The following DACH2 variants were observed in gnomAD, a reference collection of about 807,000 sequenced individuals.
The protein encoded by DACH2 is dachshund homolog 2.
In DACH2, 17 loss-of-function variants were observed where a neutral mutation model predicts 35.8. The ratio of observed to expected loss-of-function variants is 0.48; its 90% CI spans 0.33 to 0.71. The LOEUF (loss-of-function observed/expected upper bound fraction) is 0.71. Ranked by LOEUF, DACH2 falls within the 30% of genes least tolerant of loss-of-function variation. The probability of loss-of-function intolerance (pLI) is 0.02; values close to 1 mark genes in which losing one functional copy is unlikely to be tolerated. For synonymous variants in DACH2, 195 were observed against 177.3 expected (o/e 1.10, Z -0.79); for missense variants, 469 against 472.7 (o/e 0.99, Z 0.07).
chrX:86,715,984 A>G (rs919272913), intron 6 of DACH2, among the ~76,000 whole-genome samples: 1 of 111,987 alleles, frequency 8.9e-6, no homozygotes, highest in Non-Finnish European at 1.9e-5. Context: ...AGCCTTCTAA[A>G]GCACTGAAGA....
At position 86,813,226 on chromosome X, in the gene DACH2, G is replaced by A; in HGVS notation, c.1486G>A (p.Glu496Lys). The A allele has an allele frequency of 8.3e-7, 1 of 1,201,823 alleles. No individual in the cohort carries two copies. The highest frequency in any genetic ancestry group is 1.8e-5 in the South Asian group (1 of 54,888). Residue 496 changes from glutamate (E) to lysine (K), a missense_variant, in exon 9 of 12, where the codon GAA (glutamate) becomes AAA (lysine). By Grantham distance (56) the Glu-to-Lys change is moderately conservative (BLOSUM62 1). Coordinates refer to ENST00000373125, the MANE Select transcript of DACH2 (RefSeq NM_053281.3). ...ELRLELYRER[E>K]IRENLERQLA... is the part of the protein sequence containing the mutation. ...GCGACTGGAGCTCTATAGAGAGAGA[G>A]AAATTAGAGAAAACCTTGAAAGACA... is the stretch of plus-strand genomic sequence containing the variant.
At chrX:86,330,532 G>A (rs2035193785) in intron 1 of DACH2, among the ~76,000 whole-genome samples, 1 of 111,576 alleles carries the variant, frequency 9.0e-6, no homozygotes, top group South Asian at 3.7e-4. Flanking sequence ...AGGTGCAAGA[G>A]CTTGGTCTTA....
intron 3 of DACH2, among the ~76,000 whole-genome samples, chrX:86,556,257 G>C (rs1036044845): frequency 7.2e-5 from 8 of 110,988 alleles, no homozygotes; most frequent in Admixed American, 1.9e-4. Flanking sequence ...CTCATTTATC[G>C]ACCTAGAAAG....
At chrX:86,453,928 C>T (rs1472313403) in intron 2 of DACH2, among the ~76,000 whole-genome samples, 3 of 111,606 alleles carry the variant, frequency 2.7e-5, no homozygotes, top group African/African-American at 9.8e-5. Flanking sequence ...GTTTTTCTTT[C>T]CCATATTTAG....
chrX:86,787,633 AAAAG>A (rs2042150479), intron 7 of DACH2, among the ~76,000 whole-genome samples: 2 of 109,933 alleles, frequency 1.8e-5, no homozygotes, highest in Admixed American at 1.9e-4. Flanking sequence ...AAAAAAAAAA[AAAAG>A]AAAAGAAAAT....
intron 3 of DACH2, among the ~76,000 whole-genome samples, chrX:86,608,296 G>A (rs963838484): frequency 3.6e-5 from 4 of 111,563 alleles, no homozygotes; most frequent in Admixed American, 1.9e-4. Flanking sequence ...TGGAGAAATA[G>A]GAACACTTTT....
intron 1 of DACH2, among the ~76,000 whole-genome samples, chrX:86,195,039 G>A (rs1045172697): frequency 8.9e-6 from 1 of 112,685 alleles, no homozygotes; most frequent in Non-Finnish European, 1.9e-5. Flanking sequence ...GGGCCTCCAT[G>A]GCCATGCACC....
intron 2 of DACH2, among the ~76,000 whole-genome samples, chrX:86,422,527 A>T (rs1034550784): frequency 1.8e-5 from 2 of 110,226 alleles, no homozygotes; most frequent in African/African-American, 3.3e-5. Flanking sequence ...AAGTGTTTTT[A>T]AAAAATTTTT....
rs553321712 is a variant in DACH2, at chrX:86,750,634, C to T, written c.1240+10752C>T. The stretch of plus-strand genomic sequence containing the variant: ...GCTCCTGGCGACGACTATTCACTCT[C>T]TGTTTCTATGAGTTTGGCTATTTTA... On this transcript the variant is annotated intron_variant, in intron 7 of 11. Transcript: ENST00000373125. 2.4e-4 allele frequency among the ~76,000 whole-genome samples: 27 copies of T among 111,489 alleles called. No homozygotes were observed. The South Asian group carries it at 4.8e-3, about 20-fold the overall frequency.
intron 7 of DACH2, among the ~76,000 whole-genome samples, chrX:86,799,920 T>G (rs1442525069): frequency 9.0e-6 from 1 of 111,331 alleles, no homozygotes; most frequent in Non-Finnish European, 1.9e-5. Context: ...GCATTTGAGT[T>G]TTTTCCTTTA....
chrX:86,471,528 C>T (rs189936425), intron 2 of DACH2, among the ~76,000 whole-genome samples: 35 of 111,172 alleles, frequency 3.1e-4, no homozygotes, highest in African/African-American at 1.1e-3. Context: ...GACCTGTTTA[C>T]TAATAATTCA....
At chrX:86,762,667 A>C (rs2041895123) in intron 7 of DACH2, among the ~76,000 whole-genome samples, 1 of 111,513 alleles carries the variant, frequency 9.0e-6, no homozygotes, top group African/African-American at 3.3e-5. Flanking sequence ...TTTTAATTTA[A>C]TTTTTCATTT....
intron 3 of DACH2, among the ~76,000 whole-genome samples, chrX:86,637,364 A>G (rs2040286389): frequency 9.1e-6 from 1 of 109,456 alleles, no homozygotes; most frequent in African/African-American, 3.3e-5. Flanking sequence ...CAAAAAAAAT[A>G]TACTATTCAA....
At chrX:86,667,596 GAAAGAA>G (rs1234393697) in intron 4 of DACH2, among the ~76,000 whole-genome samples, 46 of 104,702 alleles carry the variant, frequency 4.4e-4, no homozygotes, top group African/African-American at 1.6e-3. Flanking sequence ...AAGAAAGAAA[GAAAGAA>G]AGAAAGAAAG....
chrX:86,440,455 G>A (rs192045821), intron 2 of DACH2, among the ~76,000 whole-genome samples: 217 of 111,341 alleles, frequency 1.9e-3, no homozygotes, highest in Non-Finnish European at 3.4e-3. Flanking sequence ...ATTTGTGTTA[G>A]CATGGTACAA....
intron 1 of DACH2, among the ~76,000 whole-genome samples, chrX:86,306,884 G>A (rs906952210): frequency 9.0e-6 from 1 of 111,648 alleles, no homozygotes; most frequent in African/African-American, 3.3e-5. Context: ...TATAAATGAT[G>A]AAGTTTTTCC....
chrX:86,669,570 A>C (rs955544355), intron 4 of DACH2, among the ~76,000 whole-genome samples: 1 of 111,726 alleles, frequency 9.0e-6, no homozygotes, highest in African/African-American at 3.2e-5. Flanking sequence ...TATTAGAAGA[A>C]ACTAAGGCCC....
intron 1 of DACH2, among the ~76,000 whole-genome samples, chrX:86,254,278 T>G (rs893227451): frequency 8.9e-6 from 1 of 111,804 alleles, no homozygotes; most frequent in African/African-American, 3.2e-5. Context: ...ACTTTAATAT[T>G]CTTATGCCTA....
At chrX:86,742,666 G>A (rs1388340749) in intron 7 of DACH2, 1 of 302,434 alleles carries the variant, frequency 3.3e-6, no homozygotes, top group Non-Finnish European at 6.4e-6. Context: ...CAATAGAGAG[G>A]AACTTATTGT....
Sources: gnomAD v4.1 joint callset for allele counts (sites outside exome capture counted in the v4.1 genomes callset) on GRCh38, gnomAD v4.1.1 for gene constraint, MANE v1.5 for transcripts, NCBI Gene and HGNC (gene_info 2026-07-23, HGNC 2026-07-21) for gene names.